The following RNF128 variants were observed in gnomAD, a reference collection of about 807,000 sequenced individuals.
RNF128 encodes ring finger protein 128.
In RNF128, 13 loss-of-function variants were observed where a neutral mutation model predicts 26.2. The ratio of observed to expected loss-of-function variants is 0.50; its 90% CI spans 0.32 to 0.79. The LOEUF is 0.79. Among genes scored for constraint, RNF128 ranks in the 30% least tolerant of loss-of-function variants. The probability of loss-of-function intolerance (pLI) is 0.03; values close to 1 mark genes in which losing one functional copy is unlikely to be tolerated. For synonymous variants in RNF128, 149 were observed against 142.5 expected (o/e 1.05, Z -0.32); for missense variants, 315 against 349.7 (o/e 0.90, Z 0.79).
intron 1 of RNF128, among the ~76,000 whole-genome samples, chrX:106,768,645 G>A (rs1413378235): frequency 9.0e-6 from 1 of 111,196 alleles, no homozygotes; most frequent in Non-Finnish European, 1.9e-5. Flanking sequence ...TATCAATTTT[G>A]TTGATCTTTT....
chrX:106,710,348 T>C (rs1273355743), intron 1 of RNF128, among the ~76,000 whole-genome samples: 3 of 112,452 alleles, frequency 2.7e-5, no homozygotes, highest in African/African-American at 9.7e-5. Context: ...TAAGCAATTA[T>C]GGATAATACA....
chrX:106,732,192 G>A (rs757595918), intron 1 of RNF128, among the ~76,000 whole-genome samples: 1 of 111,446 alleles, frequency 9.0e-6, no homozygotes, highest in Non-Finnish European at 1.9e-5. Context: ...CAACACAAAT[G>A]CCTCCTCATC....
chrX:106,739,973 C>T (rs1278731538), intron 1 of RNF128, among the ~76,000 whole-genome samples: 1 of 111,620 alleles, frequency 9.0e-6, no homozygotes, highest in Non-Finnish European at 1.9e-5. Context: ...CCTAATCTCT[C>T]AACATAATAT....
At chrX:106,715,790 G>T in intron 1 of RNF128, among the ~76,000 whole-genome samples, 1 of 111,693 alleles carries the variant, frequency 9.0e-6, no homozygotes, top group East Asian at 2.8e-4. Context: ...AGGAGTCCAA[G>T]TTGTATACCT....
intron 3 of RNF128, 97 bp downstream of exon 3, chrX:106,785,233 T>TCTGCC: frequency 1.5e-6 from 1 of 655,384 alleles, no homozygotes; most frequent in Non-Finnish European, 2.3e-6. Context: ...TTTATTGGCA[T>TCTGCC]TTATGAACCT....
At chrX:106,734,844 C>A (rs778678918) in intron 1 of RNF128, among the ~76,000 whole-genome samples, 2 of 111,980 alleles carry the variant, frequency 1.8e-5, no homozygotes, top group Non-Finnish European at 3.8e-5. Context: ...AGCCCAGTCA[C>A]CCACAGAAAT....
chrX:106,704,160 G>C (rs925746112), intron 1 of RNF128, among the ~76,000 whole-genome samples: 1 of 110,520 alleles, frequency 9.0e-6, no homozygotes, highest in African/African-American at 3.3e-5. Flanking sequence ...AGTAGGCCGG[G>C]CGCGGTGGCT....
intron 1 of RNF128, among the ~76,000 whole-genome samples, chrX:106,751,619 A>G (rs1444466390): frequency 9.1e-6 from 1 of 110,462 alleles, no homozygotes; most frequent in Non-Finnish European, 1.9e-5. Context: ...AGTACAGCTC[A>G]CAGCTCTGGG....
chrX:106,787,151 C>T (rs1930671427), intron 3 of RNF128, among the ~76,000 whole-genome samples: 1 of 111,366 alleles, frequency 9.0e-6, no homozygotes, highest in South Asian at 3.7e-4. Context: ...CACAACTGTT[C>T]ATAGCAGCTT....
At chrX:106,714,003 G>A (rs1331934067) in intron 1 of RNF128, among the ~76,000 whole-genome samples, 9 of 110,178 alleles carry the variant, frequency 8.2e-5, no homozygotes, top group Admixed American at 9.6e-5. Context: ...GTGAAACCCC[G>A]TCTCTACTAA....
intron 1 of RNF128, among the ~76,000 whole-genome samples, chrX:106,760,502 T>C (rs1930101168): frequency 8.9e-6 from 1 of 111,780 alleles, no homozygotes; most frequent in South Asian, 3.7e-4. Context: ...CTGGCAAGGA[T>C]GTGGAGAAAA....
At chrX:106,717,436 G>T (rs1268723600) in intron 1 of RNF128, among the ~76,000 whole-genome samples, 1 of 111,532 alleles carries the variant, frequency 9.0e-6, no homozygotes, top group Non-Finnish European at 1.9e-5. Flanking sequence ...TTCAATTAAA[G>T]CTTATATTGC....
intron 1 of RNF128, among the ~76,000 whole-genome samples, chrX:106,767,184 G>C (rs995092946): frequency 1.8e-5 from 2 of 111,791 alleles, no homozygotes. Flanking sequence ...ACTTAGGATT[G>C]TCTTGGCGAT....
intron 1 of RNF128, among the ~76,000 whole-genome samples, chrX:106,732,843 G>GA (rs1260081537): frequency 9.0e-6 from 1 of 111,456 alleles, no homozygotes; most frequent in Non-Finnish European, 1.9e-5. Flanking sequence ...AACTACACCA[G>GA]CATTATATTT....
chrX:106,795,641 T>C lies in RNF128; in HGVS notation c.1215T>C (p.His405=), dbSNP rs758895951. The C allele has an allele frequency of 3.3e-6, 4 of 1,202,171 alleles. No homozygotes were observed. Among genetic ancestry groups the C allele is most frequent in the Non-Finnish European group, 4.5e-6 (4 of 889,494 alleles). ...ANSVAVDVIP[H]VDNPTFEEDE... ...CTGTGGCAGTGGATGTTATTCCTCA[T>C]GTTGACAACCCAACCTTTGAAGAAG... Residue 405 remains histidine, a synonymous_variant, in exon 7 of 7, where the codon CAT becomes CAC. Coordinates refer to ENST00000255499, the MANE Select transcript of RNF128 (RefSeq NM_194463.2).
intron 1 of RNF128, among the ~76,000 whole-genome samples, chrX:106,761,963 T>A (rs1016101075): frequency 1.8e-5 from 2 of 110,179 alleles, no homozygotes; most frequent in African/African-American, 6.6e-5. Flanking sequence ...TAAAGACCCT[T>A]AATTTAAAAA....
intron 4 of RNF128, among the ~76,000 whole-genome samples, chrX:106,788,412 A>C (rs60744409): frequency 4.4e-5 from 2 of 45,607 alleles, no homozygotes; most frequent in East Asian, 1.7e-3. Flanking sequence ...ATAATATATA[A>C]TATATAATAT....
chrX:106,743,566 T>C (rs1185937091), intron 1 of RNF128, among the ~76,000 whole-genome samples: 2 of 112,679 alleles, frequency 1.8e-5, no homozygotes, highest in East Asian at 5.6e-4. Context: ...TTCATTGATA[T>C]TGTTTCAAAT....
At chrX:106,737,314 T>A (rs916583529) in intron 1 of RNF128, among the ~76,000 whole-genome samples, 4 of 110,391 alleles carry the variant, frequency 3.6e-5, no homozygotes, top group Non-Finnish European at 7.6e-5. Flanking sequence ...CATGCTGGTG[T>A]GCTGCTAGAT....
Sources: gnomAD v4.1 joint callset for allele counts (sites outside exome capture counted in the v4.1 genomes callset) on GRCh38, gnomAD v4.1.1 for gene constraint, MANE v1.5 for transcripts, NCBI Gene and HGNC (gene_info 2026-07-23, HGNC 2026-07-21) for gene names.